P2RY12: variants seen among roughly 807,000 people sequenced by gnomAD.
P2RY12 encodes the protein P2Y purinoceptor 12.
In P2RY12, 3 loss-of-function variants were observed where a neutral mutation model predicts 4.5. The observed-to-expected ratio is 0.67, with a 90% CI of 0.31 to 1.74. The LOEUF is 1.74. Ranked by LOEUF, P2RY12 falls within the 40% of genes most tolerant of loss-of-function variation. P2RY12 has a pLI of 0.09. For missense variants in P2RY12, 356 were observed against 407.8 expected, an observed-to-expected ratio of 0.87 and a Z score of 1.09; for synonymous variants, 148 against 154.1, an observed-to-expected ratio of 0.96 and a Z score of 0.29.
intron 1 of P2RY12, among the ~76,000 whole-genome samples, chr3:151,366,650 T>C (rs1054667485): frequency 1.3e-5 from 2 of 152,338 alleles, no homozygotes; most frequent in East Asian, 3.9e-4. Context: ...GTATCTCTTA[T>C]GCATAGTTCT....
chr3:151,380,177 G>A, intron 1 of P2RY12: 2 of 1,610,534 alleles, frequency 1.2e-6, no homozygotes, highest in Non-Finnish European at 1.7e-6. Context: ...GGGACAAGAT[G>A]AACAAAGGGA....
chr3:151,355,297 T>A (rs1298037990), intron 1 of P2RY12: 1 of 1,205,158 alleles, frequency 8.3e-7, no homozygotes, highest in Non-Finnish European at 1.2e-6. Context: ...CTTAAAAATT[T>A]TTTTCATGCA....
chr3:151,348,651 C>T (rs1752864062), intron 1 of P2RY12, among the ~76,000 whole-genome samples: 1 of 151,116 alleles, frequency 6.6e-6, no homozygotes, highest in South Asian at 2.1e-4. Context: ...GATAGATTGG[C>T]AGGGCATATA....
At chr3:151,358,410 C>G (rs567447203) in intron 1 of P2RY12, among the ~76,000 whole-genome samples, 1 of 152,176 alleles carries the variant, frequency 6.6e-6, no homozygotes, top group Admixed American at 6.5e-5. Flanking sequence ...GTGATGTACC[C>G]TATATCACAT....
intron 1 of P2RY12, chr3:151,350,087 A>T (rs1483677468): frequency 6.2e-7 from 1 of 1,612,838 alleles, no homozygotes; most frequent in Admixed American, 1.7e-5. Flanking sequence ...GAATGTAACC[A>T]GCGCACAATC....
chr3:151,350,153 T>C (rs772941599), intron 1 of P2RY12: 7 of 1,613,678 alleles, frequency 4.3e-6, no homozygotes, highest in Non-Finnish European at 5.9e-6. Flanking sequence ...CTGAAGAAGA[T>C]TACCAAAGAT....
chr3:151,379,304 G>T (rs1711801423), intron 1 of P2RY12, among the ~76,000 whole-genome samples: 1 of 152,184 alleles, frequency 6.6e-6, no homozygotes, highest in South Asian at 2.1e-4. Context: ...CACATCAGGG[G>T]CTCTTTATTC....
At chr3:151,358,216 T>C (rs1292614193) in intron 1 of P2RY12, among the ~76,000 whole-genome samples, 2 of 152,200 alleles carry the variant, frequency 1.3e-5, no homozygotes, top group Non-Finnish European at 2.9e-5. Flanking sequence ...TTTATTTGTA[T>C]TAATTACATG....
At chr3:151,352,435 T>C (rs1753350255) in intron 1 of P2RY12, among the ~76,000 whole-genome samples, 1 of 152,232 alleles carries the variant, frequency 6.6e-6, no homozygotes, top group Admixed American at 6.5e-5. Context: ...ATTTGGGATG[T>C]AGTGAGCTGC....
At chr3:151,384,508 A>AG (rs746065497) in intron 1 of P2RY12, among the ~76,000 whole-genome samples, 184 bp downstream of exon 1, 1 of 152,232 alleles carries the variant, frequency 6.6e-6, no homozygotes, top group Non-Finnish European at 1.5e-5. Context: ...AGATAGATTT[A>AG]GGATAACTCT....
At chr3:151,382,845 G>T (rs1044213374) in intron 1 of P2RY12, 1 of 850,634 alleles carries the variant, frequency 1.2e-6, no homozygotes, top group Non-Finnish European at 1.9e-6. Flanking sequence ...TGCATTACAA[G>T]GTGAGGCCTT....
chr3:151,348,215 A>C (rs1379144595), intron 1 of P2RY12, among the ~76,000 whole-genome samples: 1 of 152,052 alleles, frequency 6.6e-6, no homozygotes, highest in African/African-American at 2.4e-5. Context: ...CATTAGGACC[A>C]TCTGATATGC....
chr3:151,353,997 C>T (rs935791955), intron 1 of P2RY12, among the ~76,000 whole-genome samples: 8 of 120,414 alleles, frequency 6.6e-5, no homozygotes, highest in African/African-American at 1.6e-4. Flanking sequence ...AAAAATTAGC[C>T]GGGCGTAGTG....
rs888291883 is a variant in P2RY12 at position 151,368,315 on chromosome 3, A to G, written c.-180+16377T>C. ...GGTAGCTAAAGTTTCTAAAATGACC[A>G]AATAGGCTGTCCCTTTCTGTAATTG... On this transcript the variant is annotated intron_variant, in intron 1 of 2. Transcript: ENST00000302632. 3.6e-6 allele frequency: 5 copies of G among 1,391,408 alleles called. No homozygotes were observed. In the African/African-American group the frequency reaches 4.3e-5, roughly 12 times the overall value. 86.2% of individuals were successfully genotyped at this position (1,391,408 alleles called of 1,614,324 possible). A position where few individuals can be genotyped will look rare whatever the true frequency, so the allele number is the denominator to read the frequency against.
intron 1 of P2RY12, chr3:151,357,201 C>A (rs1407903672): frequency 6.3e-7 from 1 of 1,576,708 alleles, no homozygotes; most frequent in East Asian, 2.3e-5. Context: ...TCAGTCTTTT[C>A]TCCTGTTACA....
Position 151,338,193 on chromosome 3 carries a change from C to A in P2RY12, c.653G>T (p.Arg218Leu), listed in dbSNP as rs911824376. The part of the protein sequence containing the change: ...CYTLITKELY[R>L]SYVRTRGVGK... ...TACACCCCTCGTTCTTACGTATGAC[C>A]GGTACAGTTCTTTTGTAATGAGTGT... Residue 218 changes from arginine (R) to leucine (L), a missense_variant, in exon 3 of 3, where the codon CGG (arginine) becomes CTG (leucine). Coordinates refer to ENST00000302632, the MANE Select transcript of P2RY12 (RefSeq NM_022788.5). 6.2e-7 allele frequency: 1 copy of A among 1,613,978 alleles called. No individual in the cohort carries two copies. The highest frequency in any genetic ancestry group is 1.1e-5 in the South Asian group (1 of 91,066).
At chr3:151,362,249 T>C (rs1374147549) in intron 1 of P2RY12, among the ~76,000 whole-genome samples, 1 of 152,048 alleles carries the variant, frequency 6.6e-6, no homozygotes, top group Non-Finnish European at 1.5e-5. Flanking sequence ...ATCCTTTTAA[T>C]ATACGAATGA....
chr3:151,381,588 T>C (rs901913445), intron 1 of P2RY12, among the ~76,000 whole-genome samples: 1 of 152,230 alleles, frequency 6.6e-6, no homozygotes, highest in Non-Finnish European at 1.5e-5. Context: ...TAGCATGGCC[T>C]GCTCCCTTCA....
intron 1 of P2RY12, among the ~76,000 whole-genome samples, chr3:151,358,567 T>C (rs1207727896): frequency 6.6e-6 from 1 of 150,850 alleles, no homozygotes; most frequent in Non-Finnish European, 1.5e-5. Context: ...ACAAGTTTTT[T>C]TGTTTTTGTT....
Sources: gnomAD v4.1 joint callset for allele counts (sites outside exome capture counted in the v4.1 genomes callset) on GRCh38, gnomAD v4.1.1 for gene constraint, MANE v1.5 for transcripts, NCBI Gene and HGNC (gene_info 2026-07-23, HGNC 2026-07-21) for gene names.